The following MYH11 variants were observed in gnomAD, a reference collection of about 807,000 sequenced individuals.
The protein encoded by MYH11 is myosin heavy chain 11, also known as myosin-11.
In MYH11, 80 loss-of-function variants were observed where a neutral mutation model predicts 246.6. The ratio of observed to expected loss-of-function variants is 0.32; its 90% confidence interval spans 0.27 to 0.39. The LOEUF (loss-of-function observed/expected upper bound fraction) is 0.39, where lower values mean the gene tolerates loss of function less well. Among genes scored for constraint, MYH11 ranks in the 10% least tolerant of loss-of-function variants. MYH11 has a pLI of 1.00. For missense variants in MYH11, 2,158 were observed against 2,546.8 expected (o/e 0.85, Z 3.29); for synonymous variants, 1,071 against 1,015.5 (o/e 1.05, Z -1.04).
At chr16:15,838,731 G>T (rs188682118) in intron 1 of MYH11, among the ~76,000 whole-genome samples, 2 of 151,906 alleles carry the variant, frequency 1.3e-5, no homozygotes, top group Admixed American at 1.3e-4. Context: ...GTGATGGTGT[G>T]CACCTGTAAT....
chr16:15,719,798 C>T, intron 34 of MYH11, 85 bp from the exon 35 acceptor site: 2 of 1,572,034 alleles, frequency 1.3e-6, no homozygotes, highest in Non-Finnish European at 1.7e-6. Flanking sequence ...ACACCCACCC[C>T]TTGGATTTTC....
intron 2 of MYH11, among the ~76,000 whole-genome samples, chr16:15,824,243 T>A (rs1292625406): frequency 6.6e-6 from 1 of 151,944 alleles, no homozygotes; most frequent in Non-Finnish European, 1.5e-5. Flanking sequence ...CGGGAGCAGT[T>A]AAGTCTGAAG....
rs778427580 is a variant in MYH11, at chr16:15,732,600, C to T, written c.3615G>A (p.Val1205=). ...QEMRQKHAQA[V]EELTEQLEQF... is the part of the protein sequence containing the mutation. ...GCTCAAGCTGCTCTGTGAGCTCCTC[C>T]ACCGCCTGTGCGTGTTTCTGCCTCA... Residue 1205 remains valine, a synonymous_variant, in exon 27 of 41, where the codon GTG becomes GTA. Coordinates refer to ENST00000300036, the MANE Select transcript of MYH11 (RefSeq NM_002474.3). The T allele has an allele frequency of 1.2e-5, 20 of 1,614,144 alleles. No individual in the cohort carries two copies. In the South Asian group the frequency reaches 2.1e-4, roughly 17 times the overall value.
intron 2 of MYH11, among the ~76,000 whole-genome samples, chr16:15,836,525 A>T (rs1596933512): frequency 6.6e-6 from 1 of 151,750 alleles, no homozygotes; most frequent in Admixed American, 6.6e-5. Context: ...TCGGCCTCCC[A>T]AGTAGCTGGG....
chr16:15,814,943 A>G (rs2043230748), intron 3 of MYH11, among the ~76,000 whole-genome samples: 1 of 152,238 alleles, frequency 6.6e-6, no homozygotes, highest in Admixed American at 6.5e-5. Flanking sequence ...GCACATTTTG[A>G]AACCCTCAGC....
chr16:15,753,275 C>G, intron 15 of MYH11, 119 bp downstream of exon 15: 1 of 866,684 alleles, frequency 1.2e-6, no homozygotes, highest in Non-Finnish European at 1.9e-6. Context: ...CAATGCTCTT[C>G]CTTCCCCTGC....
chr16:15,718,816 G>A (rs2040311408), intron 36 of MYH11: 8 of 408,170 alleles, frequency 2.0e-5, no homozygotes, highest in Admixed American at 1.9e-4. Flanking sequence ...AGGACGCTTC[G>A]TCAGCAGCAG....
Position 15,757,987 on chromosome 16 carries a change from T to C in MYH11, c.1415A>G (p.Glu472Gly), listed in dbSNP as rs1392496967. 2.5e-6 allele frequency: 4 copies of C among 1,613,922 alleles called. No individual in the cohort carries two copies. The highest frequency in any genetic ancestry group is 2.5e-6 in the Non-Finnish European group (3 of 1,180,030). Residue 472 changes from glutamate (E) to glycine (G), a missense_variant, in exon 13 of 41, where the codon GAG becomes GGG. Glu to Gly is a moderately conservative substitution (Grantham distance 98). This residue lies in a region of MYH11 where 317 missense variants were observed against 507.7 expected (regional missense o/e 0.62). Coordinates refer to ENST00000300036, the MANE Select transcript of MYH11 (RefSeq NM_002474.3). ...GTTGGTGTAGTTGATGCACAGCTGC[T>C]CGAAGGAGTTCACCTGAGCACATGG... ...GFEIFEVNSFEQLCINYTNEK... is the reference protein window; with the variant it reads ...GFEIFEVNSFGQLCINYTNEK...
intron 3 of MYH11, among the ~76,000 whole-genome samples, chr16:15,802,169 TAA>T (rs578078506): frequency 3.9e-5 from 6 of 151,918 alleles, no homozygotes; most frequent in Non-Finnish European, 8.8e-5. Context: ...ACCACAAAGC[TAA>T]AAAAAGACAG....
intron 1 of MYH11, among the ~76,000 whole-genome samples, chr16:15,840,703 G>T (rs2044029798): frequency 6.6e-6 from 1 of 152,148 alleles, no homozygotes; most frequent in Non-Finnish European, 1.5e-5. Flanking sequence ...CTGCACTCCA[G>T]CCTGGGCCAC....
intron 1 of MYH11, among the ~76,000 whole-genome samples, chr16:15,851,407 C>T (rs938445835): frequency 3.3e-5 from 5 of 152,192 alleles, no homozygotes; most frequent in Admixed American, 1.3e-4. Context: ...AAGGTGGCAT[C>T]ACCTGCTATT....
intron 36 of MYH11, chr16:15,718,660 C>T: frequency 3.2e-6 from 2 of 622,806 alleles, no homozygotes; most frequent in Admixed American, 3.0e-5. Flanking sequence ...GGATGGGGAC[C>T]AGCACACTCC....
At chr16:15,744,866 A>G (rs1162335055) in intron 20 of MYH11, among the ~76,000 whole-genome samples, 1 of 152,234 alleles carries the variant, frequency 6.6e-6, no homozygotes, top group African/African-American at 2.4e-5. Context: ...CTACGGAGGA[A>G]GTGGGTGTGG....
chr16:15,828,228 G>T (rs1175749957), intron 2 of MYH11, among the ~76,000 whole-genome samples: 1 of 152,208 alleles, frequency 6.6e-6, no homozygotes, highest in Non-Finnish European at 1.5e-5. Context: ...CTTCATAGAT[G>T]TGCTGCGAGA....
In MYH11 at chr16:15,719,258, C is replaced by G; in HGVS notation, c.5133G>C (p.Glu1711Asp). The part of the protein sequence containing the change: ...RARKQADLEK[E>D]ELAEELASSL... ...TACTGGCCAGCTCCTCTGCCAGTTC[C>G]TCCTTCTCGAGGTCCGCTTGTTTGC... Residue 1711 changes from glutamate to aspartate, a missense_variant, in exon 36 of 41, where the codon GAG becomes GAC. Glu to Asp is a conservative substitution (Grantham distance 45). Around this residue, in one of 11 missense-constraint regions of MYH11, gnomAD observed 1,013 missense variants for 993.5 expected, o/e 1.02. Transcript: ENST00000300036. 2 of 1,613,552 alleles carry G rather than the reference C, an allele frequency of 1.2e-6. No individual in the cohort carries two copies. The highest frequency in any genetic ancestry group is 1.7e-6 in the Non-Finnish European group (2 of 1,180,046).
At chr16:15,717,877 C>T (rs1449608342) in intron 37 of MYH11, 6 of 270,728 alleles carry the variant, frequency 2.2e-5, no homozygotes, top group African/African-American at 6.6e-5. Flanking sequence ...GTCCTGGAGT[C>T]GCCTGGAGAA....
intron 2 of MYH11, 78 bp downstream of exon 2, chr16:15,837,830 C>T (rs535413080): frequency 4.6e-4 from 627 of 1,361,366 alleles, no homozygotes; most frequent in Non-Finnish European, 6.1e-4. Flanking sequence ...CCACTGTGCC[C>T]AGCCCTCCCA....
At chr16:15,826,177 CAT>C (rs1356614214) in intron 2 of MYH11, among the ~76,000 whole-genome samples, 6 of 152,222 alleles carry the variant, frequency 3.9e-5, no homozygotes, top group African/African-American at 1.4e-4. Flanking sequence ...TTCATTCATT[CAT>C]TCTGTACGTC....
chr16:15,717,223 G>A lies in MYH11; in HGVS notation c.5421C>T (p.Ala1807=), dbSNP rs145857508. The A allele has an allele frequency of 2.0e-5, 32 of 1,614,072 alleles. No homozygotes were observed. Among genetic ancestry groups the A allele is most frequent in the East Asian group, 1.1e-4 (5 of 44,896 alleles). ...LRSKLHEMEG[A]VKSKFKSTIA... is the part of the protein sequence containing the mutation. ...TGGTGGACTTGAACTTGGACTTGACGGCCCCCTCCATCTCGTGGAGCTTGC... is the reference window on the plus strand; with the variant it reads ...TGGTGGACTTGAACTTGGACTTGACAGCCCCCTCCATCTCGTGGAGCTTGC... The change falls in exon 38 of 41, where the codon GCC becomes GCT. Residue 1807 remains alanine, a synonymous_variant. Transcript: ENST00000300036.
Sources: gnomAD v4.1 joint callset for allele counts (sites outside exome capture counted in the v4.1 genomes callset) on GRCh38, gnomAD v4.1.1 for gene constraint, gnomAD v4.1.1 regional missense constraint, MANE v1.5 for transcripts, NCBI Gene and HGNC (gene_info 2026-07-23, HGNC 2026-07-21) for gene names.